Variants in ATP6V1C2 observed in about 807,000 individuals in gnomAD.
ATP6V1C2 encodes the protein ATPase H+ transporting V1 subunit C2.
A neutral mutation model predicts 56.8 loss-of-function variants in ATP6V1C2; 45 were observed. That is an observed-to-expected ratio of 0.79 (90% CI 0.62 to 1.02). ATP6V1C2 has a LOEUF of 1.02. ATP6V1C2 is among the 50% of genes least tolerant of loss of function. ATP6V1C2 has a pLI of 0.00. For missense variants in ATP6V1C2, 463 were observed against 519.7 expected (o/e 0.89, Z 1.06); for synonymous variants, 220 against 201.3 (o/e 1.09, Z -0.79).
chr2:10,768,821 G>T lies in ATP6V1C2; in HGVS notation c.470+11G>T, dbSNP rs2148490400. On this transcript the variant is annotated intron_variant, in intron 6 of 13. Coordinates refer to ENST00000272238, the MANE Select transcript of ATP6V1C2 (RefSeq NM_001039362.2). The stretch of plus-strand genomic sequence containing the variant: ...GGAAAAGAAATCCATGTGTGTATTT[G>T]CCAGCCTCCACATCTGGCGGGGGCA... 1 of 1,612,028 alleles carries T rather than the reference G, an allele frequency of 6.2e-7. No homozygotes were observed. Among genetic ancestry groups the T allele is most frequent in the South Asian group, 1.1e-5 (1 of 91,038 alleles).
chr2:10,776,788 C>T (rs1011266014), intron 10 of ATP6V1C2, among the ~76,000 whole-genome samples: 5 of 152,114 alleles, frequency 3.3e-5, no homozygotes, highest in Non-Finnish European at 4.4e-5. Context: ...GGGTGACACA[C>T]AGGAGCCTGC....
At chr2:10,729,576 C>T (rs547762817) in intron 3 of ATP6V1C2, among the ~76,000 whole-genome samples, 24 of 152,260 alleles carry the variant, frequency 1.6e-4, no homozygotes, top group Non-Finnish European at 2.6e-4. Context: ...TAAGATCAGG[C>T]TGGGTGCCGT....
Position 10,763,963 on chromosome 2 carries a change from AAC to A in ATP6V1C2, c.284-365_284-364del, listed in dbSNP as rs1664075152. ...AAAAGAAAAAAAGGAAATGCTTGAA[AAC>A]ACTGGTGTGGTCTGTTCCCCAGAGA... On this transcript the variant is annotated intron_variant, in intron 4 of 13. Coordinates refer to ENST00000272238, the MANE Select transcript of ATP6V1C2 (RefSeq NM_001039362.2). The surrounding 1 kb of genome is among the most constrained non-coding windows in gnomAD (Gnocchi z 4.2). Among the ~76,000 whole-genome samples the A allele has an allele frequency of 6.6e-6, 1 of 152,212 alleles. No individual in the cohort carries two copies. The highest frequency in any genetic ancestry group is 1.5e-5 in the Non-Finnish European group (1 of 68,032).
chr2:10,732,719 TC>T (rs1327837862), intron 3 of ATP6V1C2, among the ~76,000 whole-genome samples: 3 of 151,706 alleles, frequency 2.0e-5, no homozygotes, highest in African/African-American at 4.8e-5. Flanking sequence ...ACGCCTGTAA[TC>T]CCAGCACTTT....
chr2:10,772,061 T>C, intron 7 of ATP6V1C2, 124 bp downstream of exon 7: 1 of 800,352 alleles, frequency 1.2e-6, no homozygotes, highest in Non-Finnish European at 2.1e-6. Flanking sequence ...CGGGAAGCAG[T>C]CATTCCTTCA....
In ATP6V1C2 at chr2:10,784,224, A is replaced by AAAAG. The variant is rs544797096; in HGVS notation, c.*965_*968dup. 1.7e-4 allele frequency: 272 copies of AAAAG among 1,571,280 alleles called. No individual in the cohort carries two copies. The African/African-American group carries it at 3.2e-3, about 18-fold the overall frequency. On this transcript the variant is annotated 3_prime_UTR_variant, in exon 14 of 14. Transcript: ENST00000272238. ...CTGGAAAAATCCACTGGCTCCCAAG[A>AAAAG]AAAGAAAATGGTCTGAAGCCTCTGT...
In ATP6V1C2 at chr2:10,782,251, T is replaced by C. The variant is rs139886731; in HGVS notation, c.1070T>C (p.Leu357Pro). 1.3e-5 allele frequency: 21 copies of C among 1,614,036 alleles called. No homozygotes were observed. The highest frequency in any genetic ancestry group is 2.7e-5 in the African/African-American group (2 of 74,942). Residue 357 changes from leucine (L) to proline (P), a missense_variant, in exon 13 of 14, where the codon CTA becomes CCA. Transcript: ENST00000272238. ...VFVESVLRYG[L>P]PVNFQAVLLQ... ...TTTGTCTATCTGAAAAGGTATGGAC[T>C]ACCAGTGAACTTCCAGGCAGTGCTC...
chr2:10,728,816 T>A (rs571195752), intron 3 of ATP6V1C2, among the ~76,000 whole-genome samples: 1 of 140,852 alleles, frequency 7.1e-6, no homozygotes, highest in Non-Finnish European at 1.5e-5. Flanking sequence ...TGTCGTGGAG[T>A]CTTAAAATTA....
intron 3 of ATP6V1C2, among the ~76,000 whole-genome samples, chr2:10,733,812 AAGTGCTTCCCCTGTCGTTGCTTGCCCCTG>A (rs56011335): frequency 6.8e-6 from 1 of 146,988 alleles, no homozygotes; most frequent in Admixed American, 6.9e-5. Flanking sequence ...GCTTGCCCCT[AAGTGCTTCCCCTGTCGTTGCTTGCCCCTG>A]AGTGCTTCCC....
chr2:10,771,998 G>T (rs142213907), intron 7 of ATP6V1C2, 61 bp downstream of exon 7: 25 of 1,462,648 alleles, frequency 1.7e-5, no homozygotes, highest in Non-Finnish European at 2.4e-5. Context: ...AGGTGGACCC[G>T]TTGGTGACTT....
chr2:10,751,234 C>G (rs1168447269), intron 3 of ATP6V1C2, among the ~76,000 whole-genome samples: 2 of 152,048 alleles, frequency 1.3e-5, no homozygotes, highest in Non-Finnish European at 2.9e-5. Context: ...ACCAGACTCT[C>G]CCTCCTTCTG....
At chr2:10,724,494 G>A (rs966904601) in intron 2 of ATP6V1C2, among the ~76,000 whole-genome samples, 4 of 151,984 alleles carry the variant, frequency 2.6e-5, no homozygotes, top group African/African-American at 4.8e-5. Flanking sequence ...GACACTGTAC[G>A]GGTGAGTAAA....
intron 4 of ATP6V1C2, among the ~76,000 whole-genome samples, chr2:10,758,395 A>G (rs932208810): frequency 6.6e-6 from 1 of 152,160 alleles, no homozygotes; most frequent in African/African-American, 2.4e-5. Flanking sequence ...AACGGGCTTT[A>G]TGACCTCTGT....
intron 7 of ATP6V1C2, 118 bp from the exon 8 acceptor site, chr2:10,772,424 A>G: frequency 1.2e-6 from 1 of 862,968 alleles, no homozygotes; most frequent in Non-Finnish European, 2.0e-6. Context: ...GCTCCCTCTG[A>G]CCCCATCCCT....
chr2:10,774,754 G>T, intron 8 of ATP6V1C2, 34 bp from the exon 9 acceptor site: 1 of 1,595,842 alleles, frequency 6.3e-7, no homozygotes, highest in Non-Finnish European at 8.6e-7. Context: ...AGGCCTAGCA[G>T]TGAGTCCAGC....
At chr2:10,765,622 A>G (rs1664173868) in intron 5 of ATP6V1C2, among the ~76,000 whole-genome samples, 3 of 152,256 alleles carry the variant, frequency 2.0e-5, no homozygotes, top group African/African-American at 2.4e-5. Flanking sequence ...AGAGAGGCTC[A>G]GGCCCCTGCT....
intron 6 of ATP6V1C2, 77 bp from the exon 7 acceptor site, chr2:10,771,762 G>A (rs778935894): frequency 1.5e-5 from 17 of 1,119,582 alleles, no homozygotes; most frequent in Admixed American, 3.4e-5. Context: ...CCCAGTGCCC[G>A]GGTGTGGGTG....
At chr2:10,737,819 G>T (rs1249125262) in intron 3 of ATP6V1C2, among the ~76,000 whole-genome samples, 1 of 152,066 alleles carries the variant, frequency 6.6e-6, no homozygotes, top group Non-Finnish European at 1.5e-5. Context: ...TCAGCCTCCT[G>T]AGTAGCTGGG....
chr2:10,722,674 T>A, intron 1 of ATP6V1C2, 150 bp from the exon 2 acceptor site: 1 of 797,664 alleles, frequency 1.3e-6, no homozygotes, highest in Non-Finnish European at 1.9e-6. Flanking sequence ...GCTGCCCAGG[T>A]GGAGATAAGA....
Sources: gnomAD v4.1 joint callset for allele counts (sites outside exome capture counted in the v4.1 genomes callset) on GRCh38, gnomAD v4.1.1 for gene constraint, Gnocchi (gnomAD v3.1) non-coding constraint, MANE v1.5 for transcripts, NCBI Gene and HGNC (gene_info 2026-07-23, HGNC 2026-07-21) for gene names.